The following ARHGAP26 variants were observed in gnomAD, a reference collection of about 807,000 sequenced individuals.
ARHGAP26 encodes the protein Rho GTPase activating protein 26, also known as rho GTPase-activating protein 26.
A neutral mutation model predicts 104.8 loss-of-function variants in ARHGAP26; 38 were observed. The observed-to-expected ratio is 0.36, with a 90% CI of 0.28 to 0.48. The LOEUF (loss-of-function observed/expected upper bound fraction) is 0.48. Ranked by LOEUF, ARHGAP26 falls within the 20% of genes least tolerant of loss-of-function variation. The pLI, the probability that ARHGAP26 is intolerant of heterozygous loss-of-function variation, is 0.99. For missense variants in ARHGAP26, 704 were observed against 947.9 expected, an observed-to-expected ratio of 0.74 and a Z score of 3.38; for synonymous variants, 341 against 340.0, an observed-to-expected ratio of 1.00 and a Z score of -0.03.
chr5:143,112,619 C>A (rs1406386146), intron 17 of ARHGAP26, among the ~76,000 whole-genome samples: 1 of 152,144 alleles, frequency 6.6e-6, no homozygotes, highest in East Asian at 1.9e-4. Context: ...CCCGATTCCC[C>A]TTTCATCTGG....
intron 17 of ARHGAP26, among the ~76,000 whole-genome samples, chr5:143,111,965 CT>C (rs1794825477): frequency 2.0e-5 from 3 of 151,224 alleles, no homozygotes; most frequent in South Asian, 4.2e-4. Context: ...CCTTGACACA[CT>C]TAGAAGAAGG....
At chr5:142,836,904 T>G (rs1332195538) in intron 1 of ARHGAP26, among the ~76,000 whole-genome samples, 1 of 152,150 alleles carries the variant, frequency 6.6e-6, no homozygotes, top group Non-Finnish European at 1.5e-5. Context: ...TTGCCTCAGG[T>G]CAGGTAGGGA....
At chr5:142,846,788 G>A (rs546047493) in intron 1 of ARHGAP26, among the ~76,000 whole-genome samples, 9 of 152,268 alleles carry the variant, frequency 5.9e-5, no homozygotes, top group Admixed American at 5.9e-4. Flanking sequence ...CTTTAGTCTT[G>A]TTTTCTCTTT....
chr5:142,855,698 C>T (rs1038581282), intron 1 of ARHGAP26, among the ~76,000 whole-genome samples: 1 of 152,200 alleles, frequency 6.6e-6, no homozygotes, highest in Non-Finnish European at 1.5e-5. Flanking sequence ...GCACTGTTCT[C>T]GGCCCTGGGT....
At chr5:142,989,106 T>C (rs1415703468) in intron 11 of ARHGAP26, among the ~76,000 whole-genome samples, 1 of 152,188 alleles carries the variant, frequency 6.6e-6, no homozygotes, top group East Asian at 1.9e-4. Flanking sequence ...AATTCTCCCA[T>C]TATTATTGTG....
chr5:142,892,707 A>G (rs1331519835), intron 5 of ARHGAP26, among the ~76,000 whole-genome samples: 1 of 149,866 alleles, frequency 6.7e-6, no homozygotes, highest in Non-Finnish European at 1.5e-5. Flanking sequence ...TGTAATAATC[A>G]TACATATTTA....
chr5:142,844,086 C>G (rs570051780), intron 1 of ARHGAP26, among the ~76,000 whole-genome samples: 5 of 141,778 alleles, frequency 3.5e-5, no homozygotes, highest in East Asian at 4.1e-4. Context: ...GAGTCTTGCT[C>G]TATTCCCCAG....
chr5:142,920,492 A>G lies in ARHGAP26; in HGVS notation c.1028+7199A>G, dbSNP rs138780896. ...GGGCCTAGTAAACCATGTGAAAAATAATAAAACTTTTTCTGATTCCCTGAA... is the reference window on the plus strand; with the variant it reads ...GGGCCTAGTAAACCATGTGAAAAATGATAAAACTTTTTCTGATTCCCTGAA... On this transcript the variant is annotated intron_variant, in intron 10 of 22. Transcript: ENST00000645722. Among the ~76,000 whole-genome samples, 135 of 152,336 alleles carry G rather than the reference A, an allele frequency of 8.9e-4. 1 individual carries two copies. Among genetic ancestry groups the G allele is most frequent in the African/African-American group, 3.0e-3 (125 of 41,566 alleles).
intron 12 of ARHGAP26, among the ~76,000 whole-genome samples, chr5:143,026,642 G>A (rs1034117806): frequency 2.0e-5 from 3 of 152,176 alleles, no homozygotes; most frequent in South Asian, 2.1e-4. Flanking sequence ...GAGTGGTCAG[G>A]TAGGCTGGGG....
intron 11 of ARHGAP26, among the ~76,000 whole-genome samples, chr5:142,956,401 A>T (rs1048012926): frequency 2.0e-5 from 3 of 152,028 alleles, no homozygotes; most frequent in African/African-American, 7.2e-5. Flanking sequence ...CACAGCAAGA[A>T]CTGGTCTCTA....
At chr5:143,143,792 G>A (rs1165890029) in intron 19 of ARHGAP26, among the ~76,000 whole-genome samples, 4 of 152,208 alleles carry the variant, frequency 2.6e-5, no homozygotes, top group Non-Finnish European at 5.9e-5. Context: ...TGGCCAGACA[G>A]CATGTCCCTG....
chr5:142,885,487 C>CT, intron 5 of ARHGAP26, 88 bp downstream of exon 5: 1 of 1,241,202 alleles, frequency 8.1e-7, no homozygotes, highest in Non-Finnish European at 1.1e-6. Flanking sequence ...GCTAGAAAAT[C>CT]TTAGGGTTAG....
chr5:143,013,258 A>T (rs919659023), intron 11 of ARHGAP26, among the ~76,000 whole-genome samples: 7 of 152,216 alleles, frequency 4.6e-5, no homozygotes, highest in African/African-American at 9.6e-5. Flanking sequence ...CAAAAAATGT[A>T]TGAAAATTTA....
intron 1 of ARHGAP26, among the ~76,000 whole-genome samples, chr5:142,787,129 G>A (rs1481617910): frequency 6.6e-6 from 1 of 152,028 alleles, no homozygotes; most frequent in African/African-American, 2.4e-5. Context: ...TCAGAACCAG[G>A]GTGGGCACAG....
At chr5:143,148,204 C>T (rs1473593435) in intron 20 of ARHGAP26, among the ~76,000 whole-genome samples, 3 of 152,154 alleles carry the variant, frequency 2.0e-5, no homozygotes, top group Non-Finnish European at 4.4e-5. Context: ...AGTGAAAATA[C>T]ATTGAGGTTC....
At chr5:142,830,077 G>GTTAA (rs1266398791) in intron 1 of ARHGAP26, among the ~76,000 whole-genome samples, 1 of 152,184 alleles carries the variant, frequency 6.6e-6, no homozygotes, top group Non-Finnish European at 1.5e-5. Context: ...ATTGGTGTGA[G>GTTAA]TTAAGTCATT....
chr5:142,988,680 G>T (rs9763697), intron 11 of ARHGAP26, among the ~76,000 whole-genome samples: 2 of 152,090 alleles, frequency 1.3e-5, no homozygotes, highest in African/African-American at 4.8e-5. Context: ...CAGAGATTCT[G>T]GTATGTTGTG....
At chr5:142,942,019 T>G (rs1281174962) in intron 11 of ARHGAP26, among the ~76,000 whole-genome samples, 1 of 152,136 alleles carries the variant, frequency 6.6e-6, no homozygotes, top group African/African-American at 2.4e-5. Context: ...TTTTTTTTTT[T>G]GCTGTACTTT....
chr5:142,989,793 CTGACT>C (rs1473239372), intron 11 of ARHGAP26, among the ~76,000 whole-genome samples: 2 of 152,206 alleles, frequency 1.3e-5, no homozygotes, highest in Non-Finnish European at 2.9e-5. Flanking sequence ...CCCCACTCTT[CTGACT>C]TGTAGAGTTT....
Sources: allele counts gnomAD v4.1 joint callset (sites outside exome capture counted in the v4.1 genomes callset), GRCh38; gene constraint gnomAD v4.1.1; transcripts MANE v1.5; gene names NCBI Gene and HGNC (gene_info 2026-07-23, HGNC 2026-07-21).